ENTREP2: variants seen among roughly 807,000 people sequenced by gnomAD.
ENTREP2 encodes the protein protein ENTREP2.
chr15:29,424,526 G>C, the ENTREP2 span, among the ~76,000 whole-genome samples: 2 of 152,136 alleles, frequency 1.3e-5, no homozygotes, highest in African/African-American at 2.4e-5. Flanking sequence ...ATTCTGCCCA[G>C]TCTGGGTAGG....
At chr15:29,280,903 C>A in the ENTREP2 span, among the ~76,000 whole-genome samples, 4 of 152,054 alleles carry the variant, frequency 2.6e-5, no homozygotes, top group East Asian at 7.7e-4. Flanking sequence ...CTTTATTAAT[C>A]CCACACGTTT....
chr15:29,458,052 C>T, the ENTREP2 span, among the ~76,000 whole-genome samples: 1 of 152,092 alleles, frequency 6.6e-6, no homozygotes, highest in Non-Finnish European at 1.5e-5. Flanking sequence ...TGGGAATTGG[C>T]TCACACAATT....
chr15:29,378,255 T>C, the ENTREP2 span, among the ~76,000 whole-genome samples: 1 of 151,556 alleles, frequency 6.6e-6, no homozygotes, highest in Non-Finnish European at 1.5e-5. Context: ...GCCAGGACTG[T>C]TGTGAGGATA....
chr15:29,490,424 TC>T, the ENTREP2 span, among the ~76,000 whole-genome samples: 1 of 152,208 alleles, frequency 6.6e-6, no homozygotes, highest in Non-Finnish European at 1.5e-5. Context: ...GGCTGCTGGC[TC>T]CGGCAGCCTG....
At chr15:29,568,284 T>C in the ENTREP2 span, among the ~76,000 whole-genome samples, 1 of 152,278 alleles carries the variant, frequency 6.6e-6, no homozygotes, top group East Asian at 1.9e-4. Context: ...CATCTTATAA[T>C]CTCCAAAATG....
chr15:29,277,337 G>C, the ENTREP2 span, among the ~76,000 whole-genome samples: 63 of 146,470 alleles, frequency 4.3e-4, 1 homozygote, highest in South Asian at 0.01. Context: ...GCAAGACTCC[G>C]TCTCAAAGAA....
the ENTREP2 span, among the ~76,000 whole-genome samples, chr15:29,396,976 A>AG: frequency 6.6e-6 from 1 of 152,230 alleles, no homozygotes; most frequent in African/African-American, 2.4e-5. Flanking sequence ...AGAAATTAAA[A>AG]TTAGTTCCCT....
the ENTREP2 span, among the ~76,000 whole-genome samples, chr15:29,224,103 T>C: frequency 1.3e-5 from 2 of 152,080 alleles, no homozygotes; most frequent in African/African-American, 4.8e-5. Flanking sequence ...TTCCTTCTGG[T>C]GTTCGGATGC....
At chr15:29,136,815 T>C in the ENTREP2 span, among the ~76,000 whole-genome samples, 1 of 152,192 alleles carries the variant, frequency 6.6e-6, no homozygotes, top group Non-Finnish European at 1.5e-5. Context: ...GCTTTGCACG[T>C]CATGAGAACT....
the ENTREP2 span, among the ~76,000 whole-genome samples, chr15:29,476,267 T>A: frequency 6.6e-6 from 1 of 152,242 alleles, no homozygotes; most frequent in African/African-American, 2.4e-5. Context: ...TTTTATTATA[T>A]GTTTATTGTT....
At chr15:29,595,396 G>C in the ENTREP2 span, among the ~76,000 whole-genome samples, 1 of 152,070 alleles carries the variant, frequency 6.6e-6, no homozygotes, top group Non-Finnish European at 1.5e-5. Context: ...ACCTTAATCT[G>C]GTAGATTTGT....
At chr15:29,490,357 C>G in the ENTREP2 span, among the ~76,000 whole-genome samples, 1 of 152,138 alleles carries the variant, frequency 6.6e-6, no homozygotes, top group Non-Finnish European at 1.5e-5. Flanking sequence ...CAAGATTTAC[C>G]GCAAAGAGCG....
chr15:29,443,084 C>T, the ENTREP2 span, among the ~76,000 whole-genome samples: 1 of 152,210 alleles, frequency 6.6e-6, no homozygotes, highest in South Asian at 2.1e-4. Context: ...GATTTATGAT[C>T]GGCACCTGTG....
chr15:29,153,601 G>T, the ENTREP2 span, among the ~76,000 whole-genome samples: 1 of 152,168 alleles, frequency 6.6e-6, no homozygotes, highest in East Asian at 1.9e-4. Flanking sequence ...TTCAACATAT[G>T]AATTTTGGAG....
the ENTREP2 span, among the ~76,000 whole-genome samples, chr15:29,607,825 T>TAGATAGATAGACAGACAGAC: frequency 1.2e-5 from 1 of 84,910 alleles, no homozygotes; most frequent in African/African-American, 7.2e-5. Flanking sequence ...GATAGATAGA[T>TAGATAGATAGACAGACAGAC]AGACAGACAG....
chr15:29,449,336 G>A, the ENTREP2 span, among the ~76,000 whole-genome samples: 2 of 152,216 alleles, frequency 1.3e-5, no homozygotes, highest in East Asian at 3.9e-4. Context: ...TTGAGCTGAG[G>A]TGCTGGCCAT....
At chr15:29,399,748 T>G in the ENTREP2 span, among the ~76,000 whole-genome samples, 1 of 152,282 alleles carries the variant, frequency 6.6e-6, no homozygotes. Flanking sequence ...ACATTCACAT[T>G]TTGGATGTCG....
At chr15:29,273,994 T>G in the ENTREP2 span, among the ~76,000 whole-genome samples, 2 of 152,216 alleles carry the variant, frequency 1.3e-5, no homozygotes, top group African/African-American at 4.8e-5. Context: ...GAGTCAATAC[T>G]CTAGTAAACT....
At chr15:29,548,413 C>A in the ENTREP2 span, among the ~76,000 whole-genome samples, 15 of 149,458 alleles carry the variant, frequency 1.0e-4, no homozygotes, top group Admixed American at 4.7e-4. Flanking sequence ...TGAGATCATG[C>A]CACTGCACTC....
Sources: allele counts gnomAD v4.1 joint callset (sites outside exome capture counted in the v4.1 genomes callset), GRCh38; gene constraint gnomAD v4.1.1; transcripts MANE v1.5; gene names NCBI Gene and HGNC (gene_info 2026-07-23, HGNC 2026-07-21).